The following SLC25A27 variants were observed in gnomAD, a reference collection of about 807,000 sequenced individuals.
SLC25A27 encodes the protein mitochondrial uncoupling protein 4.
Under a neutral mutation model 49.1 loss-of-function variants are expected in SLC25A27, and 35 were observed. The observed-to-expected ratio is 0.71, with a 90% CI of 0.54 to 0.95. The LOEUF (loss-of-function observed/expected upper bound fraction) is 0.95, where lower values mean the gene tolerates loss of function less well. SLC25A27 is among the 40% of genes least tolerant of loss of function. The pLI is 0.00. For synonymous variants in SLC25A27, 144 were observed against 136.9 expected, an observed-to-expected ratio of 1.05 and a Z score of -0.36; for missense variants, 339 against 397.1, an observed-to-expected ratio of 0.85 and a Z score of 1.24.
At chr6:46,655,774 T>C in intron 1 of SLC25A27, 69 bp from the exon 2 acceptor site, 1 of 1,350,884 alleles carries the variant, frequency 7.4e-7, no homozygotes, top group Non-Finnish European at 1.0e-6. Flanking sequence ...ATATTACTCC[T>C]ATGATTTTAG....
chr6:46,657,571 ATAT>A (rs1479094709), intron 2 of SLC25A27, among the ~76,000 whole-genome samples: 2 of 152,244 alleles, frequency 1.3e-5, no homozygotes, highest in African/African-American at 4.8e-5. Context: ...AGGGAGTTAC[ATAT>A]TATTTACTTT....
Position 46,656,439 on chromosome 6 carries a change from G to A in SLC25A27, c.298+405G>A, listed in dbSNP as rs567785940. ...TGGCTCACTGCAACCTTTGTCTCCC[G>A]AGTTCAAGCGATTCTCCTGCCTCAG... On this transcript the variant is annotated intron_variant, in intron 2 of 8. Transcript: ENST00000371347. 1.9e-4 allele frequency among the ~76,000 whole-genome samples: 28 copies of A among 151,226 alleles called. No individual in the cohort carries two copies. In the Middle Eastern group the frequency reaches 0.01, roughly 55 times the overall value.
At chr6:46,661,385 G>A (rs1031487049) in intron 3 of SLC25A27, among the ~76,000 whole-genome samples, 11 of 147,296 alleles carry the variant, frequency 7.5e-5, no homozygotes, top group Non-Finnish European at 1.2e-4. Flanking sequence ...TTAAAGTTAT[G>A]TTCGTTAAAT....
chr6:46,655,531 GTTTGTTT>G (rs1762943888), intron 1 of SLC25A27, among the ~76,000 whole-genome samples: 2 of 98,548 alleles, frequency 2.0e-5, no homozygotes, highest in African/African-American at 7.4e-5. Flanking sequence ...TATTGTTAAT[GTTTGTTT>G]TTTTTTTTTT....
chr6:46,654,087 T>A, intron 1 of SLC25A27: 1 of 984,822 alleles, frequency 1.0e-6, no homozygotes, highest in Non-Finnish European at 1.2e-6. Flanking sequence ...CCATCTAGAG[T>A]GGAATGATGA....
At chr6:46,653,365 G>A (rs1762830836) in intron 1 of SLC25A27, 67 bp downstream of exon 1, 1 of 1,510,778 alleles carries the variant, frequency 6.6e-7, no homozygotes, top group South Asian at 1.3e-5. Flanking sequence ...GAGGGTGCGC[G>A]GGCGGCTTCG....
Position 46,662,332 on chromosome 6 carries a change from T to C in SLC25A27, c.384-44T>C, listed in dbSNP as rs774842034. ...CAGTATTGGTTCACTATAAAATTCG[T>C]GAAATTAATGGCAACTTTAAAAAGA... On this transcript the variant is annotated intron_variant, in intron 3 of 8. Coordinates refer to ENST00000371347, the MANE Select transcript of SLC25A27 (RefSeq NM_004277.5). The C allele has an allele frequency of 7.5e-6, 12 of 1,597,750 alleles. No individual in the cohort carries two copies. In the Admixed American group the frequency reaches 2.0e-4, roughly 27 times the overall value.
Position 46,677,966 on chromosome 6 carries a change from T to C in SLC25A27, c.*1512T>C, listed in dbSNP as rs544601045. The C allele has an allele frequency of 2.5e-4, 37 of 148,750 alleles. No homozygotes were observed. Among genetic ancestry groups the C allele is most frequent in the African/African-American group, 6.9e-4 (28 of 40,348 alleles). 9.2% of individuals were successfully genotyped at this position (148,750 alleles called of 1,614,324 possible). A position where few individuals can be genotyped will look rare whatever the true frequency, so the allele number is the denominator to read the frequency against. ...TGCAGAGAATGTGAAGTTTAATCTCTTAAAATATTTAGATGGTCTACTTTT... is the reference window on the plus strand; with the variant it reads ...TGCAGAGAATGTGAAGTTTAATCTCCTAAAATATTTAGATGGTCTACTTTT... On this transcript the variant is annotated 3_prime_UTR_variant, in exon 9 of 9. Transcript: ENST00000371347.
Position 46,653,304 on chromosome 6 carries a change from C to G in SLC25A27, c.106+6C>G, listed in dbSNP as rs775019214. 6.2e-7 allele frequency: 1 copy of G among 1,609,204 alleles called. No homozygotes were observed. The highest frequency in any genetic ancestry group is 2.2e-5 in the East Asian group (1 of 44,706). ...GGCTACCGTGGCCGAGCTAGGTACC[C>G]GGCTGCCCACGCCTGGGCCTCCCGG... On this transcript the variant is annotated splice_donor_region_variant and intron_variant, in intron 1 of 8. Coordinates refer to ENST00000371347, the MANE Select transcript of SLC25A27 (RefSeq NM_004277.5).
Position 46,653,083 on chromosome 6 carries a change from C to A in SLC25A27, c.-110C>A. 1 of 1,028,084 alleles carries A rather than the reference C, an allele frequency of 9.7e-7. No individual in the cohort carries two copies. Among genetic ancestry groups the A allele is most frequent in the Non-Finnish European group, 1.5e-6 (1 of 682,504 alleles). The allele number at this position is 1,028,084 out of a possible 1,614,324, so 63.7% of individuals were successfully genotyped here. A position where few individuals can be genotyped will look rare whatever the true frequency, so the allele number is the denominator to read the frequency against. On this transcript the variant is annotated 5_prime_UTR_variant, in exon 1 of 9. Transcript: ENST00000371347. ...GCCGAACGAGGGAAATGGTCCTCACCCGGCCACTCGCCGGTTGAAAAGGGG... is the reference window on the plus strand; with the variant it reads ...GCCGAACGAGGGAAATGGTCCTCACACGGCCACTCGCCGGTTGAAAAGGGG...
At chr6:46,658,688 T>C (rs1763067510) in intron 2 of SLC25A27, 1 of 448,388 alleles carries the variant, frequency 2.2e-6, no homozygotes, top group Admixed American at 3.9e-5. Context: ...TTGAGTTGAG[T>C]CCTGAAAGAC....
In SLC25A27 at chr6:46,652,985, A is replaced by C. The variant is rs1404045226; in HGVS notation, c.-208A>C. ...CTCCTGGGCTCCGCTGTGTTTTTCT[A>C]TTCTGGGGTGTAAGGGGCAGCTGGA... On this transcript the variant is annotated 5_prime_UTR_variant, in exon 1 of 9. Coordinates refer to ENST00000371347, the MANE Select transcript of SLC25A27 (RefSeq NM_004277.5). The C allele has an allele frequency of 8.5e-6, 5 of 588,854 alleles. No individual in the cohort carries two copies. Among genetic ancestry groups the C allele is most frequent in the Non-Finnish European group, 1.5e-5 (5 of 332,090 alleles). 36.5% of individuals were successfully genotyped at this position (588,854 alleles called of 1,614,324 possible).
chr6:46,655,003 C>T (rs1762927526), intron 1 of SLC25A27, among the ~76,000 whole-genome samples: 2 of 152,288 alleles, frequency 1.3e-5, no homozygotes, highest in South Asian at 4.1e-4. Flanking sequence ...TGAGCTCTAT[C>T]TTCCTTATGT....
At chr6:46,653,684 A>G (rs1762854693) in intron 1 of SLC25A27, 1 of 985,338 alleles carries the variant, frequency 1.0e-6, no homozygotes, top group Non-Finnish European at 1.2e-6. Context: ...ACACAGCCAC[A>G]CTGTCATTAT....
intron 3 of SLC25A27, among the ~76,000 whole-genome samples, chr6:46,659,978 C>G (rs902929251): frequency 6.6e-6 from 1 of 151,914 alleles, no homozygotes; most frequent in Non-Finnish European, 1.5e-5. Flanking sequence ...CAAATGTGTA[C>G]CCGGTATCCA....
Position 46,676,647 on chromosome 6 carries a change from T to C in SLC25A27, c.*193T>C, listed in dbSNP as rs1376086450. The C allele has an allele frequency of 6.4e-7, 1 of 1,550,954 alleles. No individual in the cohort carries two copies. On this transcript the variant is annotated 3_prime_UTR_variant, in exon 9 of 9. Coordinates refer to ENST00000371347, the MANE Select transcript of SLC25A27 (RefSeq NM_004277.5). ...TTTGACTCCTCTTTTTGTCCAAAAG[T>C]GATCTGGTCGGATCTCACAAGGCCA...
At chr6:46,671,977 A>C (rs1432912186) in intron 8 of SLC25A27, among the ~76,000 whole-genome samples, 1 of 151,946 alleles carries the variant, frequency 6.6e-6, no homozygotes, top group East Asian at 1.9e-4. Flanking sequence ...ATGTAATATT[A>C]TATGTATCTT....
intron 8 of SLC25A27, among the ~76,000 whole-genome samples, chr6:46,675,931 C>G (rs1038776714): frequency 2.6e-5 from 4 of 152,126 alleles, no homozygotes; most frequent in Admixed American, 1.3e-4. Context: ...TCCTCACTTT[C>G]AAGTTCTAAA....
chr6:46,670,280 T>G, intron 7 of SLC25A27, 53 bp downstream of exon 7: 1 of 1,137,396 alleles, frequency 8.8e-7, no homozygotes, highest in Admixed American at 2.0e-5. Flanking sequence ...AATACCTTTG[T>G]GTTTTAAAGA....
Sources: gnomAD v4.1 joint callset for allele counts (sites outside exome capture counted in the v4.1 genomes callset) on GRCh38, gnomAD v4.1.1 for gene constraint, MANE v1.5 for transcripts, NCBI Gene and HGNC (gene_info 2026-07-23, HGNC 2026-07-21) for gene names.